Variants in B3GALT1 observed in about 807,000 individuals in gnomAD.
The protein encoded by B3GALT1 is UDP-Gal:betaGlcNAc beta 1,3-galactosyltransferase, polypeptide 1.
Under a neutral mutation model 23.2 loss-of-function variants are expected in B3GALT1, and 10 were observed. The observed-to-expected ratio is 0.43, with a 90% CI of 0.27 to 0.73. The LOEUF is 0.73. Among genes scored for constraint, B3GALT1 ranks in the 30% least tolerant of loss-of-function variants. The pLI is 0.21. For synonymous variants in B3GALT1, 156 were observed against 141.5 expected (o/e 1.10, Z -0.73); for missense variants, 299 against 405.4 (o/e 0.74, Z 2.25).
chr2:167,757,842 A>T (rs1319238222), intron 3 of B3GALT1, among the ~76,000 whole-genome samples: 1 of 152,154 alleles, frequency 6.6e-6, no homozygotes, highest in African/African-American at 2.4e-5. Context: ...GTTCACCCAG[A>T]TGAAGGAAAA....
intron 1 of B3GALT1, among the ~76,000 whole-genome samples, chr2:167,388,485 C>G (rs1180150061): frequency 6.6e-6 from 1 of 152,120 alleles, no homozygotes; most frequent in African/African-American, 2.4e-5. Flanking sequence ...GGGCCTCACT[C>G]AAGTTCTTTT....
At chr2:167,407,738 T>G (rs2105293071) in intron 1 of B3GALT1, among the ~76,000 whole-genome samples, 1 of 152,118 alleles carries the variant, frequency 6.6e-6, no homozygotes, top group South Asian at 2.1e-4. Flanking sequence ...AACCTAGAAG[T>G]AATGCATATA....
At chr2:167,738,381 A>C (rs1687524380) in intron 3 of B3GALT1, among the ~76,000 whole-genome samples, 1 of 152,178 alleles carries the variant, frequency 6.6e-6, no homozygotes, top group Admixed American at 6.5e-5. Context: ...GAAAGATCAA[A>C]ATCATTTTTA....
intron 3 of B3GALT1, among the ~76,000 whole-genome samples, chr2:167,767,362 C>G (rs1044465620): frequency 2.1e-4 from 32 of 152,064 alleles, no homozygotes; most frequent in Admixed American, 2.1e-3. Flanking sequence ...CGGCATTGTC[C>G]CCATAAACTT....
intron 4 of B3GALT1, among the ~76,000 whole-genome samples, chr2:167,833,740 T>A (rs1201942632): frequency 6.6e-6 from 1 of 152,166 alleles, no homozygotes; most frequent in African/African-American, 2.4e-5. Flanking sequence ...GGATACGTGC[T>A]CAAACTACAC....
intron 1 of B3GALT1, among the ~76,000 whole-genome samples, chr2:167,353,914 G>C (rs1261796081): frequency 1.3e-5 from 2 of 152,062 alleles, no homozygotes; most frequent in Non-Finnish European, 2.9e-5. Context: ...GTAATAAAGG[G>C]TGATATAAAT....
chr2:167,666,182 T>C (rs1686181251), intron 3 of B3GALT1, among the ~76,000 whole-genome samples: 1 of 152,262 alleles, frequency 6.6e-6, no homozygotes, highest in South Asian at 2.1e-4. Flanking sequence ...AGAACATCTT[T>C]ATGTCTGCCT....
chr2:167,780,011 G>A (rs371751386), intron 3 of B3GALT1, among the ~76,000 whole-genome samples: 12 of 152,292 alleles, frequency 7.9e-5, no homozygotes, highest in African/African-American at 2.4e-4. Context: ...AAAGCCATTT[G>A]TTAACTGCCA....
intron 3 of B3GALT1, among the ~76,000 whole-genome samples, chr2:167,793,259 T>C (rs765367332): frequency 1.3e-5 from 2 of 152,096 alleles, no homozygotes; most frequent in Non-Finnish European, 2.9e-5. Context: ...CTAGTGCTTC[T>C]TTTTCAGATA....
At chr2:167,578,377 C>T (rs1013883420) in intron 2 of B3GALT1, among the ~76,000 whole-genome samples, 6 of 151,876 alleles carry the variant, frequency 4.0e-5, no homozygotes, top group Non-Finnish European at 8.8e-5. Context: ...TGTAGATTAC[C>T]CCAGACCCAC....
At chr2:167,830,282 T>C (rs1035759140) in intron 4 of B3GALT1, among the ~76,000 whole-genome samples, 1 of 151,756 alleles carries the variant, frequency 6.6e-6, no homozygotes, top group African/African-American at 2.4e-5. Context: ...CAGGGGTCAG[T>C]AGCGGGCAGG....
chr2:167,400,122 G>C (rs1232992413), intron 1 of B3GALT1, among the ~76,000 whole-genome samples: 2 of 150,570 alleles, frequency 1.3e-5, no homozygotes, highest in Non-Finnish European at 3.0e-5. Context: ...GTCTCTGTAA[G>C]ATTTTCTCTT....
intron 1 of B3GALT1, among the ~76,000 whole-genome samples, chr2:167,374,777 T>C (rs901296716): frequency 2.6e-5 from 4 of 152,134 alleles, no homozygotes; most frequent in Admixed American, 2.6e-4. Context: ...AAATATTTTC[T>C]CACATTCTGT....
chr2:167,742,485 A>C (rs571869088), intron 3 of B3GALT1, among the ~76,000 whole-genome samples: 41 of 152,204 alleles, frequency 2.7e-4, no homozygotes, highest in Non-Finnish European at 5.6e-4. Context: ...AAGAGCATAA[A>C]AAATGTGTAT....
intron 3 of B3GALT1, among the ~76,000 whole-genome samples, chr2:167,793,752 G>A (rs771510763): frequency 6.6e-6 from 1 of 152,278 alleles, no homozygotes; most frequent in East Asian, 1.9e-4. Flanking sequence ...TGTTTGGCTT[G>A]CGTGGATGGC....
intron 2 of B3GALT1, among the ~76,000 whole-genome samples, chr2:167,627,153 AATGTGTGTGT>A (rs1160753834): frequency 1.3e-5 from 2 of 151,474 alleles, no homozygotes; most frequent in Non-Finnish European, 3.0e-5. Flanking sequence ...TCTAATCTAT[AATGTGTGTGT>A]ATGTGTGTGT....
chr2:167,867,943 C>G (rs1411534017), intron 4 of B3GALT1, among the ~76,000 whole-genome samples: 1 of 152,072 alleles, frequency 6.6e-6, no homozygotes, highest in African/African-American at 2.4e-5. Context: ...ATCTGTGGCC[C>G]CCAAACTCAA....
At chr2:167,808,514 A>G (rs1037638755) in intron 3 of B3GALT1, among the ~76,000 whole-genome samples, 2 of 151,834 alleles carry the variant, frequency 1.3e-5, no homozygotes, top group African/African-American at 4.8e-5. Context: ...GCTTGTCTGT[A>G]AAGTATTTTA....
chr2:167,386,360 A>G (rs1399498566), intron 1 of B3GALT1, among the ~76,000 whole-genome samples: 1 of 152,124 alleles, frequency 6.6e-6, no homozygotes, highest in Non-Finnish European at 1.5e-5. Context: ...TAGTGGTATT[A>G]ATTTTATGGT....
Sources: gnomAD v4.1 joint callset for allele counts (sites outside exome capture counted in the v4.1 genomes callset) on GRCh38, gnomAD v4.1.1 for gene constraint, MANE v1.5 for transcripts, NCBI Gene and HGNC (gene_info 2026-07-23, HGNC 2026-07-21) for gene names.